Variants in COL6A6 observed in about 807,000 individuals in gnomAD.
COL6A6 encodes collagen alpha-6(VI) chain.
Under a neutral mutation model 208.6 loss-of-function variants are expected in COL6A6, and 183 were observed. The observed-to-expected ratio is 0.88, with a 90% confidence interval of 0.78 to 0.99. The LOEUF is 0.99. Among genes scored for constraint, COL6A6 ranks in the 50% least tolerant of loss-of-function variants. The pLI is 0.00. For missense variants in COL6A6, 2,816 were observed against 2,815.2 expected (o/e 1.00, Z -0.01); for synonymous variants, 973 against 1,011.8 (o/e 0.96, Z 0.73).
chr3:130,529,694 C>T (rs2062039201), intron 1 of COL6A6, among the ~76,000 whole-genome samples: 1 of 152,116 alleles, frequency 6.6e-6, no homozygotes, highest in Admixed American at 6.6e-5. Context: ...TGGTCCACAC[C>T]CAGAGAAGGG....
At chr3:130,567,657 A>AT (rs2063060270) in intron 5 of COL6A6, among the ~76,000 whole-genome samples, 1 of 152,162 alleles carries the variant, frequency 6.6e-6, no homozygotes. Context: ...ACCAGGAGTG[A>AT]TTTTGCACCC....
At chr3:130,577,899 C>T (rs1320933850) in intron 8 of COL6A6, among the ~76,000 whole-genome samples, 1 of 150,778 alleles carries the variant, frequency 6.6e-6, no homozygotes, top group Non-Finnish European at 1.5e-5. Flanking sequence ...GGGGTTAATT[C>T]ACAGGAGGAC....
chr3:130,652,420 G>A (rs987200503), intron 33 of COL6A6, among the ~76,000 whole-genome samples: 3 of 152,162 alleles, frequency 2.0e-5, no homozygotes, highest in Non-Finnish European at 2.9e-5. Flanking sequence ...TCAGGAACTC[G>A]GACTTGCTAT....
chr3:130,656,038 C>T (rs2065780274), intron 33 of COL6A6, among the ~76,000 whole-genome samples: 1 of 152,210 alleles, frequency 6.6e-6, no homozygotes, highest in Non-Finnish European at 1.5e-5. Context: ...CATGGTGGCA[C>T]CTGGAAACTT....
chr3:130,618,247 A>T (rs1443149722), intron 23 of COL6A6, among the ~76,000 whole-genome samples: 2 of 152,198 alleles, frequency 1.3e-5, no homozygotes, highest in African/African-American at 4.8e-5. Context: ...TTCATTTCCC[A>T]TCTAATCCTC....
chr3:130,566,936 T>A lies in COL6A6; in HGVS notation c.1517T>A (p.Ile506Asn). Residue 506 changes from isoleucine (I) to asparagine (N), a missense_variant, in exon 5 of 37, where the codon ATC becomes AAC. Coordinates refer to ENST00000358511, the MANE Select transcript of COL6A6 (RefSeq NM_001102608.3). ...GATTTGGGAAAGGCCATTGAGAATA[T>A]CAGGCAGATGGGTGGGAATACAAAC... ...KQDLGKAIEN[I>N]RQMGGNTNTG... The A allele has an allele frequency of 6.2e-7, 1 of 1,613,888 alleles. No individual in the cohort carries two copies. The highest frequency in any genetic ancestry group is 1.1e-5 in the South Asian group (1 of 91,074).
chr3:130,542,924 T>TA (rs1553772240), intron 1 of COL6A6, among the ~76,000 whole-genome samples: 6 of 101,168 alleles, frequency 5.9e-5, no homozygotes, highest in East Asian at 5.0e-4. Context: ...TTTTTTTTTT[T>TA]AGATAGGAGT....
At chr3:130,556,490 C>T (rs1299928877) in intron 1 of COL6A6, among the ~76,000 whole-genome samples, 1 of 152,118 alleles carries the variant, frequency 6.6e-6, no homozygotes, top group Non-Finnish European at 1.5e-5. Flanking sequence ...ATATTTTTAA[C>T]TACAATTTCT....
intron 20 of COL6A6, among the ~76,000 whole-genome samples, chr3:130,605,285 G>A (rs997631181): frequency 6.6e-6 from 1 of 151,618 alleles, no homozygotes; most frequent in Non-Finnish European, 1.5e-5. Flanking sequence ...CTTTTTTATG[G>A]CATTTGCAAT....
chr3:130,671,794 A>G (rs2066224131), intron 36 of COL6A6, among the ~76,000 whole-genome samples: 2 of 152,208 alleles, frequency 1.3e-5, no homozygotes, highest in African/African-American at 2.4e-5. Flanking sequence ...TCAAACCACA[A>G]GCTACCAAGG....
intron 1 of COL6A6, among the ~76,000 whole-genome samples, chr3:130,518,046 C>A (rs1301465690): frequency 6.6e-6 from 1 of 152,116 alleles, no homozygotes; most frequent in African/African-American, 2.4e-5. Flanking sequence ...AGGAGGCAGG[C>A]TGGAAGAGGA....
intron 26 of COL6A6, among the ~76,000 whole-genome samples, chr3:130,628,263 T>G (rs1186747204): frequency 6.6e-6 from 1 of 152,214 alleles, no homozygotes; most frequent in Non-Finnish European, 1.5e-5. Flanking sequence ...CCTTAACATC[T>G]TACAAGAAGG....
Position 130,649,189 on chromosome 3 carries a change from T to C in COL6A6, c.5360T>C (p.Ile1787Thr), listed in dbSNP as rs780998328. ...ATGATGGCTTTCCTGGTGAGAGACA[T>C]TAAGGTCCGGGAGAACAGCTGCCCC... ...KEMMAFLVRD[I>T]KVRENSCPVG... Residue 1787 changes from isoleucine to threonine, a missense_variant, in exon 33 of 37, where the codon ATT becomes ACT. Transcript: ENST00000358511. 1 of 1,595,208 alleles carries C rather than the reference T, an allele frequency of 6.3e-7. No individual in the cohort carries two copies. The highest frequency in any genetic ancestry group is 8.5e-7 in the Non-Finnish European group (1 of 1,170,676).
rs1021207 is a variant in COL6A6, at chr3:130,644,873, C to T, written c.5228-118C>T. 5.6e-3 allele frequency: 5,000 copies of T among 891,274 alleles called. 163 individuals carry two copies. In the African/African-American group the frequency reaches 0.073, roughly 13 times the overall value. The allele number at this position is 891,274 out of a possible 1,614,324, so 55.2% of individuals were successfully genotyped here. A position where few individuals can be genotyped will look rare whatever the true frequency, so the allele number is the denominator to read the frequency against. On this transcript the variant is annotated intron_variant, in intron 31 of 36. Transcript: ENST00000358511. Reference sequence around the variant, plus strand: ...CTGCATTTTCTCCAAACTCTGTTGCCTTGATTTTTGAGTCATCTACAAAAA... The same window carrying T: ...CTGCATTTTCTCCAAACTCTGTTGCTTTGATTTTTGAGTCATCTACAAAAA...
chr3:130,594,252 GT>G, intron 17 of COL6A6, 28 bp from the exon 18 acceptor site: 1 of 1,542,870 alleles, frequency 6.5e-7, no homozygotes, highest in Non-Finnish European at 9.0e-7. Context: ...TTCTTGTCTT[GT>G]TTTTCTTCTG....
rs531693114 is a variant in COL6A6, at chr3:130,591,203, G to T, written c.4272+109G>T. On this transcript the variant is annotated intron_variant, in intron 13 of 36. Transcript: ENST00000358511. ...AAGAAAGGTGAGATTCTAAGGATTC[G>T]TGTACAGAATCTCAGATCTTCTTTT... 7.5e-5 allele frequency: 62 copies of T among 823,760 alleles called. 2 individuals are homozygous for T. In the Admixed American group the frequency reaches 1.4e-3, roughly 19 times the overall value. 51.0% of individuals were successfully genotyped at this position (823,760 alleles called of 1,614,324 possible). A position where few individuals can be genotyped will look rare whatever the true frequency, so the allele number is the denominator to read the frequency against.
In COL6A6 at chr3:130,644,873, CTTGATTT is replaced by C. The variant is rs2065423342; in HGVS notation, c.5228-113_5228-107del. ...CTGCATTTTCTCCAAACTCTGTTGCCTTGATTTTTGAGTCATCTACAAAAAGCAGACA... is the reference window on the plus strand; with the variant it reads ...CTGCATTTTCTCCAAACTCTGTTGCCTTGAGTCATCTACAAAAAGCAGACA... On this transcript the variant is annotated intron_variant, in intron 31 of 36. Coordinates refer to ENST00000358511, the MANE Select transcript of COL6A6 (RefSeq NM_001102608.3). The C allele has an allele frequency of 4.5e-6, 4 of 891,288 alleles. No individual in the cohort carries two copies. In the South Asian group the frequency reaches 5.6e-5, roughly 12 times the overall value. 55.2% of individuals were successfully genotyped at this position (891,288 alleles called of 1,614,324 possible). A position where few individuals can be genotyped will look rare whatever the true frequency, so the allele number is the denominator to read the frequency against.
intron 33 of COL6A6, among the ~76,000 whole-genome samples, chr3:130,657,177 G>A (rs1176257093): frequency 5.9e-5 from 9 of 152,244 alleles, no homozygotes; most frequent in African/African-American, 1.2e-4. Context: ...ACTCAGAAGC[G>A]GGTGGGGCTT....
chr3:130,520,472 AGAG>A (rs1711003018), intron 1 of COL6A6, among the ~76,000 whole-genome samples: 1 of 152,214 alleles, frequency 6.6e-6, no homozygotes, highest in Non-Finnish European at 1.5e-5. Context: ...ATGGAAATTT[AGAG>A]GAGATTACCA....
Sources: allele counts gnomAD v4.1 joint callset (sites outside exome capture counted in the v4.1 genomes callset), GRCh38; gene constraint gnomAD v4.1.1; transcripts MANE v1.5; gene names NCBI Gene and HGNC (gene_info 2026-07-23, HGNC 2026-07-21).